NRP1: variants seen among roughly 807,000 people sequenced by gnomAD.
The protein encoded by NRP1 is neuropilin 1, also known as neuropilin-1.
Under a neutral mutation model 106.7 loss-of-function variants are expected in NRP1, and 35 were observed. That is an observed-to-expected ratio of 0.33 (90% CI 0.25 to 0.43). The LOEUF (loss-of-function observed/expected upper bound fraction) is 0.43. Ranked by LOEUF, NRP1 falls within the 20% of genes least tolerant of loss-of-function variation. NRP1 has a pLI of 1.00. For synonymous variants in NRP1, 437 were observed against 417.9 expected (o/e 1.05, Z -0.56); for missense variants, 1,024 against 1,170.4 (o/e 0.87, Z 1.83).
intron 13 of NRP1, among the ~76,000 whole-genome samples, chr10:33,190,478 G>A (rs1836327096): frequency 6.6e-6 from 1 of 152,156 alleles, no homozygotes; most frequent in African/African-American, 2.4e-5. Context: ...ATTCTCATTA[G>A]GCAAGGAGGT....
At chr10:33,200,575 A>C (rs11009283) in intron 11 of NRP1, among the ~76,000 whole-genome samples, 36,036 of 152,128 alleles carry the variant, frequency 0.24, 4,889 homozygotes, top group East Asian at 0.6. Flanking sequence ...CCCAATTTCC[A>C]TGTTCTACCT....
intron 2 of NRP1, among the ~76,000 whole-genome samples, chr10:33,300,530 A>G (rs1845728000): frequency 6.6e-6 from 1 of 152,166 alleles, no homozygotes; most frequent in Non-Finnish European, 1.5e-5. Context: ...GTGTGTGCAC[A>G]TCTCAACCCC....
chr10:33,279,731 C>T (rs1055591514), intron 2 of NRP1, among the ~76,000 whole-genome samples: 5 of 152,070 alleles, frequency 3.3e-5, no homozygotes, highest in African/African-American at 7.2e-5. Flanking sequence ...ACTAAGACCA[C>T]GCTCTGCTAG....
intron 2 of NRP1, among the ~76,000 whole-genome samples, chr10:33,319,073 C>G (rs1260407090): frequency 2.8e-5 from 4 of 140,456 alleles, no homozygotes; most frequent in African/African-American, 1.1e-4. Flanking sequence ...GGCACGATAT[C>G]AGCTCACTGC....
At chr10:33,202,677 A>T in intron 11 of NRP1, 2 of 1,546,804 alleles carry the variant, frequency 1.3e-6, no homozygotes, top group Admixed American at 3.9e-5. Context: ...GAAATGGCTC[A>T]AATTATTGTT....
In NRP1 at chr10:33,207,695, A is replaced by C. The variant is rs1306488561; in HGVS notation, c.1636T>G (p.Tyr546Asp). 2 of 1,613,830 alleles carry C rather than the reference A, an allele frequency of 1.2e-6. No homozygotes were observed. The highest frequency in any genetic ancestry group is 1.7e-5 in the Admixed American group (1 of 59,998). The change falls in exon 10 of 17, where the codon TAT becomes GAT. Residue 546 changes from tyrosine (Y) to aspartate (D), a missense_variant. Tyr to Asp is a radical substitution (Grantham distance 160). Transcript: ENST00000374867. ...AAAGTCCGCAGCTCAGGTGTATCAT[A>C]GTTGTTGTTGCCCTCAAAAGACTGT... Reference protein sequence around the residue: ...KAKSFEGNNNYDTPELRTFPA... With the variant: ...KAKSFEGNNNDDTPELRTFPA...
At chr10:33,307,369 G>T (rs899064254) in intron 2 of NRP1, among the ~76,000 whole-genome samples, 17 of 152,034 alleles carry the variant, frequency 1.1e-4, no homozygotes, top group African/African-American at 3.9e-4. Context: ...ACAGTATGAC[G>T]GACGAGCTGA....
At chr10:33,188,109 G>A (rs1355627480) in intron 13 of NRP1, among the ~76,000 whole-genome samples, 1 of 152,080 alleles carries the variant, frequency 6.6e-6, no homozygotes, top group African/African-American at 2.4e-5. Flanking sequence ...GTGATTACTT[G>A]TCTGTGGGAT....
At chr10:33,268,578 G>T (rs976052346) in intron 3 of NRP1, among the ~76,000 whole-genome samples, 1 of 152,186 alleles carries the variant, frequency 6.6e-6, no homozygotes, top group Non-Finnish European at 1.5e-5. Flanking sequence ...GGAACACAAA[G>T]AATTCTTCAT....
rs759708920 is a variant in NRP1 at position 33,330,857 on chromosome 10, A to C, written c.99T>G (p.Ile33Met). ...RNDKCGDTIK[I>M]ESPGYLTSPG... is the part of the protein sequence containing the mutation. ...GAGATGTAAGGTACCCGGGGCTTTC[A>C]ATTTTTATAGTATCGCCACATTTAT... is the stretch of plus-strand genomic sequence containing the variant. Residue 33 changes from isoleucine (I) to methionine (M), a missense_variant, in exon 2 of 17, where the codon ATT becomes ATG. Ile to Met is a conservative substitution (Grantham distance 10). Around this residue, in one of 5 missense-constraint regions of NRP1, gnomAD observed 279 missense variants for 327.4 expected, o/e 0.85. Transcript: ENST00000374867. 2 of 1,609,220 alleles carry C rather than the reference A, an allele frequency of 1.2e-6. No homozygotes were observed. The highest frequency in any genetic ancestry group is 1.7e-6 in the Non-Finnish European group (2 of 1,177,368).
At chr10:33,302,779 C>T (rs1845893438) in intron 2 of NRP1, among the ~76,000 whole-genome samples, 1 of 152,120 alleles carries the variant, frequency 6.6e-6, no homozygotes, top group African/African-American at 2.4e-5. Flanking sequence ...CATGAAGAGC[C>T]CCAGCAACCT....
At chr10:33,330,395 GAA>G (rs559017298) in intron 2 of NRP1, among the ~76,000 whole-genome samples, 6 of 127,536 alleles carry the variant, frequency 4.7e-5, no homozygotes, top group African/African-American at 5.7e-5. Context: ...CCCTCTCCAG[GAA>G]AAAAAAAAAA....
At chr10:33,261,484 C>T (rs1842569710) in intron 4 of NRP1, among the ~76,000 whole-genome samples, 1 of 152,126 alleles carries the variant, frequency 6.6e-6, no homozygotes, top group African/African-American at 2.4e-5. Context: ...ACTTGGAAAT[C>T]AATCAGAACT....
At chr10:33,321,845 TC>T (rs1847533918) in intron 2 of NRP1, among the ~76,000 whole-genome samples, 1 of 152,204 alleles carries the variant, frequency 6.6e-6, no homozygotes, top group Admixed American at 6.5e-5. Flanking sequence ...GGAAGCTCTC[TC>T]CGTGACATAG....
intron 2 of NRP1, among the ~76,000 whole-genome samples, chr10:33,304,306 C>T (rs1231933707): frequency 6.6e-6 from 1 of 152,016 alleles, no homozygotes; most frequent in Non-Finnish European, 1.5e-5. Context: ...ACTATTTCAC[C>T]ACAGCAAAAA....
intron 2 of NRP1, among the ~76,000 whole-genome samples, chr10:33,320,540 T>TA (rs1847425778): frequency 6.6e-6 from 1 of 152,162 alleles, no homozygotes; most frequent in African/African-American, 2.4e-5. Context: ...TCTGAAAGGT[T>TA]GTCATCCAGA....
At chr10:33,312,109 T>G (rs530360584) in intron 2 of NRP1, among the ~76,000 whole-genome samples, 12 of 152,340 alleles carry the variant, frequency 7.9e-5, no homozygotes, top group African/African-American at 2.9e-4. Flanking sequence ...ATATATTCAC[T>G]CATTTTAGGT....
chr10:33,270,672 C>T lies in NRP1; in HGVS notation c.430+3G>A. On this transcript the variant is annotated splice_donor_region_variant and intron_variant, in intron 3 of 16. Transcript: ENST00000374867. ...CTTGTTCTACCGTAAGCTGTTCACT[C>T]ACCTCTCTTGAAAATTTCATAACGT... 1 of 1,607,316 alleles carries T rather than the reference C, an allele frequency of 6.2e-7. No homozygotes were observed. Among genetic ancestry groups the T allele is most frequent in the Non-Finnish European group, 8.5e-7 (1 of 1,176,790 alleles).
chr10:33,209,053 CA>C (rs1346326596), intron 9 of NRP1, among the ~76,000 whole-genome samples: 2 of 151,878 alleles, frequency 1.3e-5, no homozygotes, highest in African/African-American at 4.8e-5. Flanking sequence ...ATTGCAGGTG[CA>C]CACCAATATG....
Sources: allele counts gnomAD v4.1 joint callset (sites outside exome capture counted in the v4.1 genomes callset), GRCh38; gene constraint gnomAD v4.1.1; regional missense constraint gnomAD v4.1.1; transcripts MANE v1.5; gene names NCBI Gene and HGNC (gene_info 2026-07-23, HGNC 2026-07-21).